MARCHF1: variants seen among roughly 807,000 people sequenced by gnomAD.
MARCHF1 encodes membrane associated ring-CH-type finger 1, also known as E3 ubiquitin-protein ligase MARCHF1.
MARCHF1 carries 40 observed loss-of-function variants against 54.2 expected under a neutral mutation model. That is an observed-to-expected ratio of 0.74 (90% CI 0.57 to 0.96). The LOEUF (loss-of-function observed/expected upper bound fraction) is 0.96, where lower values mean the gene tolerates loss of function less well. Among genes scored for constraint, MARCHF1 ranks in the 40% least tolerant of loss-of-function variants. The probability of loss-of-function intolerance (pLI) is 0.00; values close to 1 mark genes in which losing one functional copy is unlikely to be tolerated. For synonymous variants in MARCHF1, 236 were observed against 236.3 expected (o/e 1.00, Z 0.01); for missense variants, 586 against 656.5 (o/e 0.89, Z 1.17).
In MARCHF1 at chr4:163,854,277, C is replaced by CT. The variant is rs552821120; in HGVS notation, c.-38-109dup. 1.5e-4 allele frequency: 126 copies of CT among 845,358 alleles called. 1 individual carries two copies. In the Middle Eastern group the frequency reaches 2.2e-3, roughly 14 times the overall value. 52.4% of individuals were successfully genotyped at this position (845,358 alleles called of 1,614,324 possible). A position where few individuals can be genotyped will look rare whatever the true frequency, so the allele number is the denominator to read the frequency against. On this transcript the variant is annotated intron_variant, in intron 3 of 9. Coordinates refer to ENST00000514618, the MANE Select transcript of MARCHF1 (RefSeq NM_001394959.1). ...CAATATAACAAAACACTAATTGAGA[C>CT]TTTTTTAAAAAAACCAGGGGTTACA...
At chr4:163,905,322 T>C (rs1402007845) in intron 3 of MARCHF1, among the ~76,000 whole-genome samples, 2 of 152,028 alleles carry the variant, frequency 1.3e-5, no homozygotes, top group Non-Finnish European at 2.9e-5. Flanking sequence ...TTCACGAACA[T>C]AGATAATGAT....
intron 5 of MARCHF1, among the ~76,000 whole-genome samples, chr4:163,670,659 A>T (rs1743705791): frequency 6.6e-6 from 1 of 151,424 alleles, no homozygotes; most frequent in South Asian, 2.1e-4. Context: ...TGCTTTATGG[A>T]TTCAAAGACT....
At chr4:164,225,027 C>T (rs191321882) in intron 1 of MARCHF1, among the ~76,000 whole-genome samples, 4 of 152,122 alleles carry the variant, frequency 2.6e-5, no homozygotes, top group Admixed American at 2.0e-4. Context: ...GTCACTAAGA[C>T]TTCCCTAATC....
chr4:164,040,250 C>T (rs13119946), intron 2 of MARCHF1, among the ~76,000 whole-genome samples: 29 of 142,156 alleles, frequency 2.0e-4, no homozygotes, highest in East Asian at 1.8e-3. Context: ...CTTATATATA[C>T]GTATATGTAA....
intron 1 of MARCHF1, among the ~76,000 whole-genome samples, chr4:164,362,595 C>T (rs1343459570): frequency 2.0e-5 from 3 of 152,090 alleles, no homozygotes; most frequent in Admixed American, 6.6e-5. Context: ...CTCGCATAAA[C>T]CAAACTAATA....
rs186126699 is a variant in MARCHF1 at position 163,761,754 on chromosome 4, T to C, written c.112-60891A>G. Among the ~76,000 whole-genome samples, 40 of 151,200 alleles carry C rather than the reference T, an allele frequency of 2.6e-4. No individual in the cohort carries two copies. In the East Asian group the frequency reaches 7.6e-3, roughly 29 times the overall value. On this transcript the variant is annotated intron_variant, in intron 4 of 9. Transcript: ENST00000514618. ...AAAGCCACCACATGGTATGAGAACA[T>C]TTATGATCTAATAAAATATTTCTCT... is the stretch of plus-strand genomic sequence containing the variant.
At chr4:164,210,840 A>T (rs1341418613) in intron 1 of MARCHF1, among the ~76,000 whole-genome samples, 1 of 152,158 alleles carries the variant, frequency 6.6e-6, no homozygotes, top group Non-Finnish European at 1.5e-5. Context: ...AATGTGGCAA[A>T]TATACTGCCT....
At chr4:164,298,235 A>C (rs557719555) in intron 1 of MARCHF1, among the ~76,000 whole-genome samples, 26 of 152,308 alleles carry the variant, frequency 1.7e-4, no homozygotes, top group African/African-American at 5.5e-4. Flanking sequence ...GAACAAGTAC[A>C]TAAAAAGAGT....
intron 5 of MARCHF1, among the ~76,000 whole-genome samples, chr4:163,687,230 TC>T (rs1744296918): frequency 6.6e-6 from 1 of 151,500 alleles, no homozygotes; most frequent in Non-Finnish European, 1.5e-5. Context: ...AGAAGTCAGA[TC>T]TTTTTTTTTT....
intron 2 of MARCHF1, among the ~76,000 whole-genome samples, chr4:164,068,451 T>C (rs571199713): frequency 2.0e-4 from 30 of 152,084 alleles, no homozygotes; most frequent in African/African-American, 7.0e-4. Flanking sequence ...CCAGCATGAG[T>C]TCTGGGTGGG....
chr4:163,924,804 GTC>G (rs1014298004), intron 3 of MARCHF1, among the ~76,000 whole-genome samples: 1 of 151,722 alleles, frequency 6.6e-6, no homozygotes, highest in African/African-American at 2.4e-5. Context: ...TTGCTCTACT[GTC>G]TCTCTTTCCT....
At chr4:163,581,258 G>T (rs929864526) in intron 8 of MARCHF1, among the ~76,000 whole-genome samples, 1 of 152,104 alleles carries the variant, frequency 6.6e-6, no homozygotes, top group Non-Finnish European at 1.5e-5. Context: ...TCTGCAAAAG[G>T]GTCTTGATAT....
At chr4:163,636,308 C>T (rs1204931511) in intron 5 of MARCHF1, among the ~76,000 whole-genome samples, 2 of 147,334 alleles carry the variant, frequency 1.4e-5, no homozygotes, top group African/African-American at 2.5e-5. Flanking sequence ...TCAAATTGTC[C>T]CTGTTTGCAG....
At chr4:163,607,690 TA>T (rs1741189357) in intron 7 of MARCHF1, among the ~76,000 whole-genome samples, 1 of 152,164 alleles carries the variant, frequency 6.6e-6, no homozygotes, top group African/African-American at 2.4e-5. Flanking sequence ...ATACATTCTT[TA>T]GATTCTTTTC....
chr4:163,990,531 T>C (rs1318628338), intron 2 of MARCHF1, among the ~76,000 whole-genome samples: 1 of 152,208 alleles, frequency 6.6e-6, no homozygotes. Context: ...TTCATCATCA[T>C]ACTTAAGCTT....
intron 1 of MARCHF1, chr4:164,197,607 T>A (rs1418092822): frequency 1.9e-6 from 3 of 1,613,046 alleles, no homozygotes; most frequent in Non-Finnish European, 2.5e-6. Flanking sequence ...CTGTGAGGGC[T>A]TCGAGTTTGC....
intron 1 of MARCHF1, among the ~76,000 whole-genome samples, chr4:164,147,614 C>G (rs187041519): frequency 7.1e-6 from 1 of 140,652 alleles, no homozygotes; most frequent in East Asian, 2.1e-4. Flanking sequence ...TAGGTGGGAA[C>G]TGAACAATGA....
intron 9 of MARCHF1, among the ~76,000 whole-genome samples, chr4:163,544,555 C>T (rs182710276): frequency 2.6e-5 from 4 of 152,274 alleles, no homozygotes; most frequent in African/African-American, 9.6e-5. Flanking sequence ...ATGCTCAGGG[C>T]GGTGCACGCT....
At chr4:164,026,530 A>G (rs1371521258) in intron 2 of MARCHF1, among the ~76,000 whole-genome samples, 3 of 152,164 alleles carry the variant, frequency 2.0e-5, no homozygotes, top group Non-Finnish European at 1.5e-5. Flanking sequence ...TTTCAATAAA[A>G]TCCACCATCC....
Sources: allele counts gnomAD v4.1 joint callset (sites outside exome capture counted in the v4.1 genomes callset), GRCh38; gene constraint gnomAD v4.1.1; transcripts MANE v1.5; gene names NCBI Gene and HGNC (gene_info 2026-07-23, HGNC 2026-07-21).